SEZ6L: variants seen among roughly 807,000 people sequenced by gnomAD.
SEZ6L encodes seizure 6-like protein.
Under a neutral mutation model 106.2 loss-of-function variants are expected in SEZ6L, and 37 were observed. That is an observed-to-expected ratio of 0.35 (90% CI 0.27 to 0.46). The LOEUF (loss-of-function observed/expected upper bound fraction) is 0.46. SEZ6L is among the 20% of genes least tolerant of loss of function. SEZ6L has a pLI of 1.00. For missense variants in SEZ6L, 1,172 were observed against 1,332.8 expected (o/e 0.88, Z 1.88); for synonymous variants, 541 against 570.4 (o/e 0.95, Z 0.73).
intron 12 of SEZ6L, among the ~76,000 whole-genome samples, chr22:26,359,283 C>T (rs575800791): frequency 6.6e-6 from 1 of 152,256 alleles, no homozygotes; most frequent in East Asian, 1.9e-4. Context: ...CTAGAGAATC[C>T]TCAGCTCAAA....
chr22:26,312,778 C>G (rs1199029942), intron 8 of SEZ6L, among the ~76,000 whole-genome samples: 4 of 152,232 alleles, frequency 2.6e-5, no homozygotes, highest in Admixed American at 6.5e-5. Flanking sequence ...CCATATCAGC[C>G]AGGCTGGTCT....
chr22:26,198,817 C>T (rs1212262786), intron 1 of SEZ6L, among the ~76,000 whole-genome samples: 2 of 152,214 alleles, frequency 1.3e-5, no homozygotes, highest in Non-Finnish European at 2.9e-5. Context: ...AGACTGCTCC[C>T]GGTAGACATT....
chr22:26,309,912 GATGAGAAAACA>G (rs1301573729), intron 6 of SEZ6L, among the ~76,000 whole-genome samples: 1 of 89,610 alleles, frequency 1.1e-5, no homozygotes, highest in African/African-American at 4.3e-5. Flanking sequence ...CCATTTTACA[GATGAGAAAACA>G]GAGGCTCAGA....
intron 1 of SEZ6L, among the ~76,000 whole-genome samples, chr22:26,239,830 C>T (rs963759823): frequency 1.3e-5 from 2 of 152,050 alleles, no homozygotes; most frequent in African/African-American, 4.8e-5. Flanking sequence ...TCTGTTGCTG[C>T]ATGCAGGCCC....
intron 1 of SEZ6L, among the ~76,000 whole-genome samples, chr22:26,203,613 T>A (rs187543467): frequency 6.3e-4 from 96 of 152,354 alleles, no homozygotes; most frequent in Non-Finnish European, 1.1e-3. Context: ...ACTAAGCACA[T>A]GCTGTATGCC....
intron 1 of SEZ6L, among the ~76,000 whole-genome samples, chr22:26,234,946 C>G (rs1270634309): frequency 2.6e-5 from 4 of 152,126 alleles, no homozygotes; most frequent in African/African-American, 7.2e-5. Context: ...AGAGATACCC[C>G]CAACGGCTGA....
intron 1 of SEZ6L, among the ~76,000 whole-genome samples, chr22:26,246,533 G>T (rs2145783801): frequency 6.6e-6 from 1 of 151,332 alleles, no homozygotes; most frequent in South Asian, 2.1e-4. Flanking sequence ...TCTAACTCCA[G>T]ACTTTCTGTC....
chr22:26,189,580 C>T, intron 1 of SEZ6L, among the ~76,000 whole-genome samples: 1 of 150,010 alleles, frequency 6.7e-6, no homozygotes, highest in South Asian at 2.1e-4. Flanking sequence ...TATACTATAA[C>T]AACTATTTAC....
chr22:26,379,636 CA>C (rs2084348821), intron 16 of SEZ6L, among the ~76,000 whole-genome samples: 1 of 74,382 alleles, frequency 1.3e-5, no homozygotes, highest in Admixed American at 1.6e-4. Context: ...TTGAAGAAAT[CA>C]AACTACCCCC....
In SEZ6L at chr22:26,377,123, A is replaced by AAAAAAT. The variant is rs375373130; in HGVS notation, c.2943-544_2943-539dup. Among the ~76,000 whole-genome samples the AAAAAAT allele has an allele frequency of 9.2e-3, 1,399 of 152,130 alleles. 18 individuals carry two copies. Among genetic ancestry groups the AAAAAAT allele is most frequent in the African/African-American group, 0.032 (1,326 of 41,476 alleles). On this transcript the variant is annotated intron_variant, in intron 15 of 16. Coordinates refer to ENST00000248933, the MANE Select transcript of SEZ6L (RefSeq NM_021115.5). ...GCAATATAGTGAGAGCTCGCCTCTT[A>AAAAAAT]AAAAATAAAAAAAATAAAACACTTA...
intron 5 of SEZ6L, among the ~76,000 whole-genome samples, chr22:26,304,789 A>G (rs1434476889): frequency 6.6e-6 from 1 of 152,220 alleles, no homozygotes; most frequent in Non-Finnish European, 1.5e-5. Flanking sequence ...AATAGTGAGC[A>G]TCTTCCTATA....
intron 12 of SEZ6L, among the ~76,000 whole-genome samples, chr22:26,361,260 G>A (rs2083613249): frequency 6.6e-6 from 1 of 151,818 alleles, no homozygotes; most frequent in Admixed American, 6.6e-5. Flanking sequence ...CACTTTGGGA[G>A]GCTGAGGCGG....
chr22:26,194,773 C>T (rs11913018), intron 1 of SEZ6L, among the ~76,000 whole-genome samples: 3,360 of 152,272 alleles, frequency 0.022, 122 homozygotes, highest in African/African-American at 0.076. Flanking sequence ...ATTTCTCTGT[C>T]TCCTCACCTG....
At chr22:26,200,332 C>A (rs932967388) in intron 1 of SEZ6L, among the ~76,000 whole-genome samples, 1 of 152,082 alleles carries the variant, frequency 6.6e-6, no homozygotes, top group African/African-American at 2.4e-5. Context: ...ATGATCCATC[C>A]TTTCAGTAAT....
chr22:26,226,087 G>A (rs1214352635), intron 1 of SEZ6L, among the ~76,000 whole-genome samples: 1 of 152,122 alleles, frequency 6.6e-6, no homozygotes, highest in Non-Finnish European at 1.5e-5. Context: ...CCTGGTCTAA[G>A]CCACCATCAG....
chr22:26,216,440 G>A (rs1395327515), intron 1 of SEZ6L, among the ~76,000 whole-genome samples: 3 of 152,148 alleles, frequency 2.0e-5, no homozygotes, highest in Non-Finnish European at 2.9e-5. Flanking sequence ...AAGATCACTT[G>A]AGATCAGGAG....
chr22:26,372,860 A>G (rs1418209700), intron 13 of SEZ6L, among the ~76,000 whole-genome samples: 1 of 152,146 alleles, frequency 6.6e-6, no homozygotes, highest in Non-Finnish European at 1.5e-5. Flanking sequence ...GTTTACATAG[A>G]TAGTCTTCAA....
At chr22:26,360,283 C>T (rs183430235) in intron 12 of SEZ6L, among the ~76,000 whole-genome samples, 2 of 152,332 alleles carry the variant, frequency 1.3e-5, no homozygotes, top group Admixed American at 6.5e-5. Context: ...TCCTCCTTTA[C>T]ACCCAGGTCT....
At chr22:26,285,301 G>C (rs532593538) in intron 1 of SEZ6L, among the ~76,000 whole-genome samples, 1 of 152,212 alleles carries the variant, frequency 6.6e-6, no homozygotes, top group African/African-American at 2.4e-5. Flanking sequence ...AAATGTGCCC[G>C]AGACGGAAAC....
Sources: gnomAD v4.1 joint callset for allele counts (sites outside exome capture counted in the v4.1 genomes callset) on GRCh38, gnomAD v4.1.1 for gene constraint, MANE v1.5 for transcripts, NCBI Gene and HGNC (gene_info 2026-07-23, HGNC 2026-07-21) for gene names.